Variants in COL5A3 observed in about 807,000 individuals in gnomAD.
The protein encoded by COL5A3 is collagen alpha-3(V) chain.
Under a neutral mutation model 250.0 loss-of-function variants are expected in COL5A3, and 172 were observed. The observed-to-expected ratio is 0.69, with a 90% CI of 0.61 to 0.78. COL5A3 has a LOEUF of 0.78. Ranked by LOEUF, COL5A3 falls within the 30% of genes least tolerant of loss-of-function variation. The probability of loss-of-function intolerance (pLI) is 0.00; values close to 1 mark genes in which losing one functional copy is unlikely to be tolerated. For synonymous variants in COL5A3, 937 were observed against 900.4 expected, an observed-to-expected ratio of 1.04 and a Z score of -0.73; for missense variants, 2,340 against 2,334.4, an observed-to-expected ratio of 1.00 and a Z score of -0.05.
Position 10,005,859 on chromosome 19 carries a change from G to T in COL5A3, c.374C>A (p.Ala125Glu). The part of the protein sequence containing the change: ...ARQLGLALGP[A>E]LGLLGDPFRP... ...GAAGGGGTCACCTAGGAGACCCAGC[G>T]CTGGCCCCAGTGCCAGGCCCAACTG... The change falls in exon 3 of 67, where the codon GCG (alanine) becomes GAG (glutamate). Residue 125 changes from alanine (A) to glutamate (E), a missense_variant. By Grantham distance (107) the Ala-to-Glu change is moderately radical (BLOSUM62 -1). This residue lies in a region of COL5A3 where 1,152 missense variants were observed against 1,146.3 expected (regional missense o/e 1.00). Coordinates refer to ENST00000264828, the MANE Select transcript of COL5A3 (RefSeq NM_015719.4). 1.2e-6 allele frequency: 2 copies of T among 1,613,686 alleles called. No homozygotes were observed. Among genetic ancestry groups the T allele is most frequent in the Admixed American group, 1.7e-5 (1 of 60,024 alleles).
chr19:9,986,290 G>A, intron 30 of COL5A3, 25 bp downstream of exon 30: 1 of 1,434,578 alleles, frequency 7.0e-7, no homozygotes, highest in South Asian at 1.3e-5. Flanking sequence ...GACTGTGGGA[G>A]GCTAGAGGGT....
chr19:9,981,438 A>C (rs867047374), intron 32 of COL5A3, among the ~76,000 whole-genome samples: 28 of 152,184 alleles, frequency 1.8e-4, no homozygotes, highest in Admixed American at 3.3e-4. Flanking sequence ...CATGGCATGC[A>C]TTTGGCAATC....
chr19:9,962,911 C>T, intron 64 of COL5A3, 24 bp from the exon 65 acceptor site: 2 of 1,576,454 alleles, frequency 1.3e-6, no homozygotes, highest in Non-Finnish European at 1.7e-6. Context: ...GGGAGGGTCA[C>T]TGTAGCTGAC....
chr19:9,969,477 C>G, intron 56 of COL5A3, 75 bp from the exon 57 acceptor site: 2 of 1,588,206 alleles, frequency 1.3e-6, no homozygotes, highest in East Asian at 2.2e-5. Flanking sequence ...GACCATGCAC[C>G]AGGGGCAGCC....
intron 8 of COL5A3, among the ~76,000 whole-genome samples, chr19:9,999,754 C>T (rs1160914312): frequency 6.6e-6 from 1 of 152,112 alleles, no homozygotes; most frequent in African/African-American, 2.4e-5. Context: ...GCGTGAGCCA[C>T]CGCGCCTGGC....
intron 21 of COL5A3, among the ~76,000 whole-genome samples, 153 bp downstream of exon 21, chr19:9,992,674 G>A (rs2087211482): frequency 6.6e-6 from 1 of 152,120 alleles, no homozygotes; most frequent in African/African-American, 2.4e-5. Context: ...CTACTCAGGA[G>A]GCTGAAGCAT....
intron 20 of COL5A3, 34 bp from the exon 21 acceptor site, chr19:9,992,914 C>A (rs997053608): frequency 6.2e-7 from 1 of 1,611,332 alleles, no homozygotes; most frequent in Non-Finnish European, 8.5e-7. Context: ...TTCCACATCA[C>A]CTCTGTGTGG....
At chr19:10,002,030 A>G in intron 6 of COL5A3, 149 bp from the exon 7 acceptor site, 1 of 607,958 alleles carries the variant, frequency 1.6e-6, no homozygotes, top group Non-Finnish European at 2.9e-6. Flanking sequence ...ATGGAGACAA[A>G]AGTGTGCCAG....
intron 2 of COL5A3, 37 bp downstream of exon 2, chr19:10,006,036 C>T (rs1312441057): frequency 6.2e-7 from 1 of 1,611,476 alleles, no homozygotes; most frequent in African/African-American, 1.3e-5. Context: ...CAGTGCCTCC[C>T]TCCGGGGAGG....
chr19:10,004,545 G>A lies in COL5A3; in HGVS notation c.595-400C>T, dbSNP rs113103925. ...AAGGTTTTGCCATGTTGGCCAGGCT[G>A]GTCCCGAACTCCTGGCCTCAAGTGA... On this transcript the variant is annotated intron_variant, in intron 4 of 66. Transcript: ENST00000264828. 1.3e-3 allele frequency among the ~76,000 whole-genome samples: 202 copies of A among 152,292 alleles called. 1 individual carries two copies. Among genetic ancestry groups the A allele is most frequent in the Non-Finnish European group, 2.1e-3 (146 of 68,034 alleles).
intron 8 of COL5A3, 59 bp downstream of exon 8, chr19:10,001,465 A>C (rs1421554579): frequency 3.6e-5 from 56 of 1,549,596 alleles, no homozygotes; most frequent in Non-Finnish European, 4.6e-5. Context: ...TAAATTTTAA[A>C]AAAATTTTAA....
At chr19:9,994,301 C>A (rs2087238723) in intron 16 of COL5A3, among the ~76,000 whole-genome samples, 1 of 151,420 alleles carries the variant, frequency 6.6e-6, no homozygotes, top group Non-Finnish European at 1.5e-5. Context: ...ACCTCAGCCT[C>A]CCAAGTAGCT....
At chr19:9,996,002 G>T in intron 15 of COL5A3, 64 bp downstream of exon 15, 1 of 1,416,574 alleles carries the variant, frequency 7.1e-7, no homozygotes, top group Non-Finnish European at 9.5e-7. Context: ...ATCCAGCACT[G>T]TATCTTGTGG....
rs2145109880 is a variant in COL5A3, at chr19:9,986,771, A to AAAAT, written c.2146-14_2146-13insATTT. 6.2e-7 allele frequency: 1 copy of AAAAT among 1,612,904 alleles called. No individual in the cohort carries two copies. The highest frequency in any genetic ancestry group is 1.7e-5 in the Admixed American group (1 of 59,854). On this transcript the variant is annotated splice_polypyrimidine_tract_variant and intron_variant, in intron 27 of 66. Transcript: ENST00000264828. The stretch of plus-strand genomic sequence containing the variant: ...TGCCTGAAGTGCCCTGGAAAATAAA[A>AAAAT]AAAAAAAGCTCTCAAGCCTCTTCCC...
chr19:9,976,507 A>C (rs1482364645), intron 45 of COL5A3, 51 bp downstream of exon 45: 2 of 1,419,660 alleles, frequency 1.4e-6, no homozygotes, highest in Admixed American at 4.8e-5. Flanking sequence ...TGCTCCCACT[A>C]TCCCTCCCTT....
At chr19:9,999,469 C>CTT (rs530527039) in intron 8 of COL5A3, among the ~76,000 whole-genome samples, 24,117 of 120,170 alleles carry the variant, frequency 0.2, 2,803 homozygotes, top group Non-Finnish European at 0.25. Context: ...TTTCTTTTTT[C>CTT]TTTTTTTTTT....
Position 10,001,825 on chromosome 19 carries a change from G to C in COL5A3, c.906C>G (p.Pro302=), listed in dbSNP as rs1217971676. ...CAGTGGAGGTGACGACCAAAGGCGT[G>C]GGGGTCGGAGGCAGATTTGGAGCTG... ...ETPAPNLPPT[P]TPLVVTSTVT... is the part of the protein sequence containing the mutation. The change falls in exon 7 of 67, where the codon CCC becomes CCG. Residue 302 remains proline, a synonymous_variant. Coordinates refer to ENST00000264828, the MANE Select transcript of COL5A3 (RefSeq NM_015719.4). 6.2e-7 allele frequency: 1 copy of C among 1,614,146 alleles called. No homozygotes were observed. The highest frequency in any genetic ancestry group is 1.7e-5 in the Admixed American group (1 of 60,024).
intron 27 of COL5A3, 30 bp from the exon 28 acceptor site, chr19:9,986,788 C>A: frequency 5.6e-6 from 9 of 1,609,760 alleles, no homozygotes; most frequent in Non-Finnish European, 7.6e-6. Context: ...AGCTCTCAAG[C>A]CTCTTCCCTG....
rs751248173 is a variant in COL5A3, at chr19:9,986,617, G to A, written c.2191-11C>T. On this transcript the variant is annotated splice_polypyrimidine_tract_variant and intron_variant, in intron 28 of 66. Coordinates refer to ENST00000264828, the MANE Select transcript of COL5A3 (RefSeq NM_015719.4). Reference sequence around the variant, plus strand: ...GAAGCCGTCCTCTCCCTGGGTGGGAGAGACAGAGGCCAGAAGTGAGGGCCT... The same window carrying A: ...GAAGCCGTCCTCTCCCTGGGTGGGAAAGACAGAGGCCAGAAGTGAGGGCCT... 6 of 1,614,016 alleles carry A rather than the reference G, an allele frequency of 3.7e-6. No homozygotes were observed. The highest frequency in any genetic ancestry group is 1.1e-5 in the South Asian group (1 of 91,078).
Sources: allele counts gnomAD v4.1 joint callset (sites outside exome capture counted in the v4.1 genomes callset), GRCh38; gene constraint gnomAD v4.1.1; regional missense constraint gnomAD v4.1.1; transcripts MANE v1.5; gene names NCBI Gene and HGNC (gene_info 2026-07-23, HGNC 2026-07-21).